Variants in LPIN2 observed in about 807,000 individuals in gnomAD.
The protein encoded by LPIN2 is lipin 2, also known as phosphatidate phosphatase LPIN2.
A neutral mutation model predicts 111.4 loss-of-function variants in LPIN2; 55 were observed. The ratio of observed to expected loss-of-function variants is 0.49; its 90% CI spans 0.40 to 0.62. The LOEUF (loss-of-function observed/expected upper bound fraction) is 0.62, where lower values mean the gene tolerates loss of function less well. Among genes scored for constraint, LPIN2 ranks in the 20% least tolerant of loss-of-function variants. The probability of loss-of-function intolerance (pLI) is 0.00; values close to 1 mark genes in which losing one functional copy is unlikely to be tolerated. For missense variants in LPIN2, 992 were observed against 1,112.1 expected (o/e 0.89, Z 1.54); for synonymous variants, 425 against 414.0 (o/e 1.03, Z -0.32).
At chr18:3,008,425 A>ATTTT (rs2078549300) in intron 1 of LPIN2, among the ~76,000 whole-genome samples, 1 of 152,232 alleles carries the variant, frequency 6.6e-6, no homozygotes, top group Non-Finnish European at 1.5e-5. Context: ...CTGGGTGACC[A>ATTTT]AGTGAGACCT....
At chr18:2,955,466 T>G (rs2077596207) in intron 2 of LPIN2, among the ~76,000 whole-genome samples, 1 of 152,148 alleles carries the variant, frequency 6.6e-6, no homozygotes, top group African/African-American at 2.4e-5. Context: ...CATCCCCAAG[T>G]GGATGGTGCT....
At chr18:3,010,829 A>G (rs938274121) in intron 1 of LPIN2, among the ~76,000 whole-genome samples, 70 of 151,700 alleles carry the variant, frequency 4.6e-4, no homozygotes, top group African/African-American at 1.6e-3. Context: ...TCGCTGACAC[A>G]GAGAACCAAG....
chr18:2,946,697 G>A, intron 4 of LPIN2: 1 of 611,340 alleles, frequency 1.6e-6, no homozygotes, highest in South Asian at 1.9e-5. Context: ...TATTTATGTG[G>A]GATAAATTAT....
intron 1 of LPIN2, among the ~76,000 whole-genome samples, chr18:2,989,901 C>CA (rs1382841606): frequency 7.2e-6 from 1 of 138,428 alleles, no homozygotes; most frequent in African/African-American, 2.7e-5. Context: ...GCCTGGGTGA[C>CA]AGAGTGAGAC....
intron 4 of LPIN2, chr18:2,950,774 A>G (rs985936069): frequency 1.1e-5 from 5 of 474,462 alleles, no homozygotes; most frequent in African/African-American, 7.8e-5. Context: ...GGGGCAAATC[A>G]CTAATTCAGA....
At chr18:2,936,966 ACTG>A (rs1663713876) in intron 7 of LPIN2, among the ~76,000 whole-genome samples, 1 of 152,224 alleles carries the variant, frequency 6.6e-6, no homozygotes, top group South Asian at 2.1e-4. Flanking sequence ...ATCTGATATT[ACTG>A]CTAAAAAACC....
intron 1 of LPIN2, chr18:2,985,138 C>A (rs2078170066): frequency 6.6e-6 from 1 of 152,240 alleles, no homozygotes; most frequent in Admixed American, 6.5e-5. Flanking sequence ...GAAGTGAGCT[C>A]ATTTTCTAAA....
chr18:2,960,642 C>A lies in LPIN2; in HGVS notation c.192+7G>T. On this transcript the variant is annotated splice_region_variant and intron_variant, in intron 2 of 19. Coordinates refer to ENST00000677752, the MANE Select transcript of LPIN2 (RefSeq NM_001375808.2). Reference sequence around the variant, plus strand: ...GGATGACTTTTCCTCTCCTTGAGGACACTCACCACTTTCTCTTTGGATCTC... The same window carrying A: ...GGATGACTTTTCCTCTCCTTGAGGAAACTCACCACTTTCTCTTTGGATCTC... 2 of 1,613,854 alleles carry A rather than the reference C, an allele frequency of 1.2e-6. No homozygotes were observed. Among genetic ancestry groups the A allele is most frequent in the Non-Finnish European group, 1.7e-6 (2 of 1,179,876 alleles).
At chr18:2,920,502 G>A (rs2077037729) in intron 19 of LPIN2, 65 bp from the exon 20 acceptor site, 1 of 1,571,394 alleles carries the variant, frequency 6.4e-7, no homozygotes, top group Non-Finnish European at 8.7e-7. Context: ...GCACAAGATG[G>A]GGGGCTGTGA....
At chr18:3,007,182 C>T (rs115409328) in intron 1 of LPIN2, among the ~76,000 whole-genome samples, 6,803 of 151,774 alleles carry the variant, frequency 0.045, 489 homozygotes, top group African/African-American at 0.16. Flanking sequence ...TTTTATTTAT[C>T]TTTTTTGAGA....
chr18:2,960,220 T>A (rs1466789517), intron 2 of LPIN2, among the ~76,000 whole-genome samples: 1 of 95,376 alleles, frequency 1.0e-5, no homozygotes, highest in Non-Finnish European at 2.4e-5. Flanking sequence ...GTGTGTGTGT[T>A]CTTGATTATA....
chr18:2,940,039 C>T (rs541146918), intron 5 of LPIN2, among the ~76,000 whole-genome samples: 1 of 152,270 alleles, frequency 6.6e-6, no homozygotes, highest in East Asian at 1.9e-4. Context: ...TTAAGAATTG[C>T]AGATGAGTGG....
intron 1 of LPIN2, among the ~76,000 whole-genome samples, chr18:3,004,286 T>C (rs545461000): frequency 6.6e-6 from 1 of 152,278 alleles, no homozygotes; most frequent in South Asian, 2.1e-4. Flanking sequence ...CCCCCTCCCC[T>C]TTTAAAATCC....
intron 2 of LPIN2, among the ~76,000 whole-genome samples, chr18:2,960,270 CTAAG>C (rs2077691394): frequency 6.7e-6 from 1 of 150,228 alleles, no homozygotes; most frequent in African/African-American, 2.5e-5. Flanking sequence ...AGGTATTAGC[CTAAG>C]TATTTAAAAA....
At chr18:2,948,727 TC>T (rs1382237092) in intron 4 of LPIN2, among the ~76,000 whole-genome samples, 1 of 152,216 alleles carries the variant, frequency 6.6e-6, no homozygotes, top group Admixed American at 6.5e-5. Flanking sequence ...TGTAAGCATT[TC>T]AAGTTTTTCT....
At chr18:2,937,132 C>T (rs1160431623) in intron 7 of LPIN2, among the ~76,000 whole-genome samples, 1 of 152,098 alleles carries the variant, frequency 6.6e-6, no homozygotes, top group Non-Finnish European at 1.5e-5. Flanking sequence ...TTTGTTTTCT[C>T]AGTAAATGCT....
rs2144112758 is a variant in LPIN2, at chr18:2,920,883, T to C, written c.2443-2A>G. On this transcript the variant is annotated splice_acceptor_variant, in intron 18 of 19. Coordinates refer to ENST00000677752, the MANE Select transcript of LPIN2 (RefSeq NM_001375808.2). LOFTEE classifies it high-confidence loss of function. The stretch of plus-strand genomic sequence containing the variant: ...AACTTGTGTGTAGGCATAGACATCC[T>C]GCAGAAGAAAATAGCAAGCGGGTGA... 2 of 1,604,930 alleles carry C rather than the reference T, an allele frequency of 1.2e-6. No individual in the cohort carries two copies. The highest frequency in any genetic ancestry group is 8.5e-7 in the Non-Finnish European group (1 of 1,171,596).
At chr18:2,970,842 CCAT>C (rs1310822452) in intron 1 of LPIN2, among the ~76,000 whole-genome samples, 1 of 152,212 alleles carries the variant, frequency 6.6e-6, no homozygotes, top group African/African-American at 2.4e-5. Context: ...GGATCTGTCA[CCAT>C]GTTATTTCCT....
At chr18:2,922,249 GAAAACA>G in intron 16 of LPIN2, 50 bp from the exon 17 acceptor site, 5 of 1,556,460 alleles carry the variant, frequency 3.2e-6, no homozygotes, top group Non-Finnish European at 4.4e-6. Flanking sequence ...TAAGGGAAAA[GAAAACA>G]AAAAACAAAA....
Sources: gnomAD v4.1 joint callset for allele counts (sites outside exome capture counted in the v4.1 genomes callset) on GRCh38, gnomAD v4.1.1 for gene constraint, MANE v1.5 for transcripts, NCBI Gene and HGNC (gene_info 2026-07-23, HGNC 2026-07-21) for gene names.